The following CRYGN variants were observed in gnomAD, a reference collection of about 807,000 sequenced individuals.
CRYGN encodes the protein crystallin gamma N, also known as gamma-crystallin N.
A neutral mutation model predicts 19.2 loss-of-function variants in CRYGN; 17 were observed. That is an observed-to-expected ratio of 0.89 (90% CI 0.61 to 1.33). The LOEUF is 1.33. Among genes scored for constraint, CRYGN ranks in the 40% most tolerant of loss-of-function variants. CRYGN has a pLI of 0.00. For synonymous variants in CRYGN, 84 were observed against 85.8 expected (o/e 0.98, Z 0.12); for missense variants, 239 against 239.6 (o/e 1.00, Z 0.02).
Position 151,436,571 on chromosome 7 carries a change from GA to G in CRYGN, c.271-247del, listed in dbSNP as rs1801614040. Among the ~76,000 whole-genome samples the G allele has an allele frequency of 6.6e-6, 1 of 152,120 alleles. No individual in the cohort carries two copies. The highest frequency in any genetic ancestry group is 6.5e-5 in the Admixed American group (1 of 15,268). ...GTCCAAGCTCCTCTTTCTACAACTA[GA>G]AAATCTGAGGTCCAAAGAGGGCCAA... On this transcript the variant is annotated intron_variant, in intron 2 of 3. Transcript: ENST00000337323. The surrounding 1 kb of genome is among the most constrained non-coding windows in gnomAD (Gnocchi z 5.1).
In CRYGN at chr7:151,436,284, G is replaced by A. The variant is rs1363900949; in HGVS notation, c.312C>T (p.Asn104=). 1 of 1,595,462 alleles carries A rather than the reference G, an allele frequency of 6.3e-7. No homozygotes were observed. Among genetic ancestry groups the A allele is most frequent in the African/African-American group, 1.3e-5 (1 of 74,386 alleles). ...GGAACTCCAGGCACTGGCCCGTGAA[G>A]TTGCAACCCTCGAAGATTTCTAGGC... The part of the protein sequence containing the change: ...HFRLEIFEGC[N]FTGQCLEFLE... Residue 104 remains asparagine (N), a synonymous_variant, in exon 3 of 4, where the codon AAC becomes AAT. Coordinates refer to ENST00000337323, the MANE Select transcript of CRYGN (RefSeq NM_144727.3). The surrounding 1 kb of genome is among the most constrained non-coding windows in gnomAD (Gnocchi z 5.1).
intron 3 of CRYGN, among the ~76,000 whole-genome samples, chr7:151,434,958 G>A (rs578231974): frequency 7.9e-5 from 12 of 152,338 alleles, no homozygotes; most frequent in African/African-American, 2.6e-4. Context: ...TAAACGCTAT[G>A]TAAATAGTTG....
chr7:151,439,759 AC>A (rs776841924), intron 1 of CRYGN, 137 bp downstream of exon 1: 2 of 944,894 alleles, frequency 2.1e-6, no homozygotes, highest in Admixed American at 3.0e-5. Context: ...TAGCGAGGCC[AC>A]CCCATTTTAT....
At chr7:151,439,652 C>G (rs1801710977) in intron 1 of CRYGN, among the ~76,000 whole-genome samples, 1 of 152,134 alleles carries the variant, frequency 6.6e-6, no homozygotes, top group African/African-American at 2.4e-5. Flanking sequence ...AACACCCTCC[C>G]TGCTCCTGAC....
chr7:151,436,077 A>C lies in CRYGN; in HGVS notation c.416+103T>G, dbSNP rs561204322. The C allele has an allele frequency of 2.7e-5, 26 of 963,814 alleles. No individual in the cohort carries two copies. In the East Asian group the frequency reaches 5.0e-4, roughly 19 times the overall value. The allele number at this position is 963,814 out of a possible 1,614,324, so 59.7% of individuals were successfully genotyped here. A position where few individuals can be genotyped will look rare whatever the true frequency, so the allele number is the denominator to read the frequency against. On this transcript the variant is annotated intron_variant, in intron 3 of 3. Transcript: ENST00000337323. This position sits in a 1 kb window ranked among gnomAD's most constrained non-coding sequence, Gnocchi z 5.1. Reference sequence around the variant, plus strand: ...CACGCTGCCCACTGCTGGAGGTCTCATTCCCACCCCACCCACCACCCCTGT... The same window carrying C: ...CACGCTGCCCACTGCTGGAGGTCTCCTTCCCACCCCACCCACCACCCCTGT...
Position 151,430,114 on chromosome 7 carries a change from T to G in CRYGN, c.483A>C (p.Gln161His). 1 of 1,601,714 alleles carries G rather than the reference T, an allele frequency of 6.2e-7. No individual in the cohort carries two copies. The highest frequency in any genetic ancestry group is 8.6e-7 in the Non-Finnish European group (1 of 1,168,694). Residue 161 changes from glutamine to histidine, a missense_variant, in exon 4 of 4, where the codon CAA (glutamine) becomes CAC (histidine). Coordinates refer to ENST00000337323, the MANE Select transcript of CRYGN (RefSeq NM_144727.3). The surrounding 1 kb of genome is among the most constrained non-coding windows in gnomAD (Gnocchi z 5.2). ...FQLSSSLQSD[Q>H]GPEEATTKPA... The stretch of plus-strand genomic sequence containing the variant: ...GTTTTGTGGTGGCCTCTTCCGGTCC[T>G]TGATCTGATTGAAGAGAGCTGCTCA...
At chr7:151,437,762 T>C (rs1801652902) in intron 2 of CRYGN, 2 of 1,299,260 alleles carry the variant, frequency 1.5e-6, no homozygotes, top group African/African-American at 3.0e-5. Flanking sequence ...AAACTTAAAG[T>C]GGTTTATTGA....
chr7:151,439,855 G>A (rs1017488859), intron 1 of CRYGN, 42 bp downstream of exon 1: 9 of 1,542,946 alleles, frequency 5.8e-6, no homozygotes, highest in Non-Finnish European at 7.9e-6. Context: ...GGGCGAAGGC[G>A]GAGCCCCACT....
At position 151,430,336 on chromosome 7, in the gene CRYGN, C is replaced by T. The variant is rs933983104; in HGVS notation, c.417-156G>A. Among the ~76,000 whole-genome samples, 4 of 152,136 alleles carry T rather than the reference C, an allele frequency of 2.6e-5. No individual in the cohort carries two copies. The highest frequency in any genetic ancestry group is 7.2e-5 in the African/African-American group (3 of 41,422). Reference sequence around the variant, plus strand: ...GTGGTTTCATGTCTTCATTTGGCCTCGGCTGTCATGGGACAGCCTACGGGG... The same window carrying T: ...GTGGTTTCATGTCTTCATTTGGCCTTGGCTGTCATGGGACAGCCTACGGGG... On this transcript the variant is annotated intron_variant, in intron 3 of 3. Transcript: ENST00000337323. This position sits in a 1 kb window ranked among gnomAD's most constrained non-coding sequence, Gnocchi z 5.2.
Position 151,429,524 on chromosome 7 carries a change from A to C in CRYGN, c.*524T>G, listed in dbSNP as rs1801418397. 1 of 184,700 alleles carries C rather than the reference A, an allele frequency of 5.4e-6. No homozygotes were observed. The highest frequency in any genetic ancestry group is 1.2e-5 in the Non-Finnish European group (1 of 86,596). The allele number at this position is 184,700 out of a possible 1,614,324, so 11.4% of individuals were successfully genotyped here. A position where few individuals can be genotyped will look rare whatever the true frequency, so the allele number is the denominator to read the frequency against. On this transcript the variant is annotated 3_prime_UTR_variant, in exon 4 of 4. Coordinates refer to ENST00000337323, the MANE Select transcript of CRYGN (RefSeq NM_144727.3). ...TATGCAAATGTGTGGTGCTCTATAG[A>C]GGAGTGGTTAGGAACGAAAAGGATC...
At chr7:151,438,365 A>C in intron 1 of CRYGN, 121 bp from the exon 2 acceptor site, 7 of 982,210 alleles carry the variant, frequency 7.1e-6, no homozygotes, top group Admixed American at 2.6e-5. Context: ...AAAAGCCCAG[A>C]CCTGCTGCAC....
At chr7:151,434,213 C>T (rs1406626834) in intron 3 of CRYGN, among the ~76,000 whole-genome samples, 1 of 152,156 alleles carries the variant, frequency 6.6e-6, no homozygotes, top group African/African-American at 2.4e-5. Context: ...CGATGGCTGG[C>T]TCCTCTCAGG....
rs1270015857 is a variant in CRYGN at position 151,433,006 on chromosome 7, T to C, written c.417-2826A>G. Among the ~76,000 whole-genome samples the C allele has an allele frequency of 6.6e-6, 1 of 152,178 alleles. No homozygotes were observed. Among genetic ancestry groups the C allele is most frequent in the African/African-American group, 2.4e-5 (1 of 41,442 alleles). On this transcript the variant is annotated intron_variant, in intron 3 of 3. Transcript: ENST00000337323. The surrounding 1 kb of genome is among the most constrained non-coding windows in gnomAD (Gnocchi z 5.1). Reference sequence around the variant, plus strand: ...ACACGGTTCCTGCCCCCTCCTGCCCTCACGGGGCCTCCCCTGCAGAGGAAA... The same window carrying C: ...ACACGGTTCCTGCCCCCTCCTGCCCCCACGGGGCCTCCCCTGCAGAGGAAA...
Position 151,435,052 on chromosome 7 carries a change from T to C in CRYGN, c.416+1128A>G, listed in dbSNP as rs529565670. Reference sequence around the variant, plus strand: ...ATTTTCGCTGTGCGGTTGGAGCCCATGGACATGGGGTACCACCTGTGCCCA... The same window carrying C: ...ATTTTCGCTGTGCGGTTGGAGCCCACGGACATGGGGTACCACCTGTGCCCA... On this transcript the variant is annotated intron_variant, in intron 3 of 3. Transcript: ENST00000337323. The surrounding 1 kb of genome is among the most constrained non-coding windows in gnomAD (Gnocchi z 4.2). Among the ~76,000 whole-genome samples the C allele has an allele frequency of 2.0e-5, 3 of 152,250 alleles. No homozygotes were observed. The highest frequency in any genetic ancestry group is 2.9e-5 in the Non-Finnish European group (2 of 68,050).
intron 3 of CRYGN, chr7:151,432,042 T>C: frequency 2.2e-6 from 1 of 457,466 alleles, no homozygotes. Flanking sequence ...AAGCCGCCCG[T>C]TGGCTTTGAG....
chr7:151,431,861 A>C lies in CRYGN; in HGVS notation c.417-1681T>G. The C allele has an allele frequency of 4.3e-6, 1 of 234,562 alleles. No homozygotes were observed. The allele number at this position is 234,562 out of a possible 1,614,324, so 14.5% of individuals were successfully genotyped here. ...GGCAGAGCCCCAAGCGAGCCTGGGG[A>C]GTCCTGAACCGGCCTGGGTTCCGGC... On this transcript the variant is annotated intron_variant, in intron 3 of 3. Coordinates refer to ENST00000337323, the MANE Select transcript of CRYGN (RefSeq NM_144727.3). This position sits in a 1 kb window ranked among gnomAD's most constrained non-coding sequence, Gnocchi z 4.8.
rs185457229 is a variant in CRYGN at position 151,439,753 on chromosome 7, G to A, written c.21+144C>T. The stretch of plus-strand genomic sequence containing the variant: ...ACCAGAGAGGCCCCAGGCCAGTAGC[G>A]AGGCCACCCCATTTTATTAAGAAAT... On this transcript the variant is annotated intron_variant, in intron 1 of 3. Transcript: ENST00000337323. 5.2e-4 allele frequency: 461 copies of A among 882,402 alleles called. 3 individuals are homozygous for A. The African/African-American group carries it at 7.6e-3, about 15-fold the overall frequency. 54.7% of individuals were successfully genotyped at this position (882,402 alleles called of 1,614,324 possible).
intron 3 of CRYGN, chr7:151,432,319 C>T (rs1487822908): frequency 3.4e-6 from 4 of 1,165,918 alleles, no homozygotes. Context: ...CAGGGGCTGC[C>T]AGGAAGTCCC....
Position 151,429,789 on chromosome 7 carries a change from C to A in CRYGN, c.*259G>T, listed in dbSNP as rs183989824. 3 of 537,596 alleles carry A rather than the reference C, an allele frequency of 5.6e-6. No homozygotes were observed. Among genetic ancestry groups the A allele is most frequent in the African/African-American group, 3.8e-5 (2 of 52,760 alleles). 33.3% of individuals were successfully genotyped at this position (537,596 alleles called of 1,614,324 possible). A position where few individuals can be genotyped will look rare whatever the true frequency, so the allele number is the denominator to read the frequency against. ...CCATCATCAGCTGTGGGCTGAGGTGCGAGATTGTGGAGGCCTGAGGCCAGC... is the reference window on the plus strand; with the variant it reads ...CCATCATCAGCTGTGGGCTGAGGTGAGAGATTGTGGAGGCCTGAGGCCAGC... On this transcript the variant is annotated 3_prime_UTR_variant, in exon 4 of 4. Coordinates refer to ENST00000337323, the MANE Select transcript of CRYGN (RefSeq NM_144727.3).
Sources: allele counts gnomAD v4.1 joint callset (sites outside exome capture counted in the v4.1 genomes callset), GRCh38; gene constraint gnomAD v4.1.1; non-coding constraint Gnocchi (gnomAD v3.1); transcripts MANE v1.5; gene names NCBI Gene and HGNC (gene_info 2026-07-23, HGNC 2026-07-21).